The following LRRC8C variants were observed in gnomAD, a reference collection of about 807,000 sequenced individuals.
LRRC8C encodes the protein volume-regulated anion channel subunit LRRC8C.
Under a neutral mutation model 55.3 loss-of-function variants are expected in LRRC8C, and 20 were observed. The ratio of observed to expected loss-of-function variants is 0.36; its 90% confidence interval spans 0.25 to 0.53. The LOEUF is 0.53. LRRC8C is among the 20% of genes least tolerant of loss of function. The pLI, the probability that LRRC8C is intolerant of heterozygous loss-of-function variation, is 0.92. For synonymous variants in LRRC8C, 376 were observed against 360.7 expected, an observed-to-expected ratio of 1.04 and a Z score of -0.48; for missense variants, 659 against 951.4, an observed-to-expected ratio of 0.69 and a Z score of 4.04.
chr1:89,641,775 G>A (rs963018288), intron 1 of LRRC8C, among the ~76,000 whole-genome samples: 4 of 152,122 alleles, frequency 2.6e-5, no homozygotes, highest in African/African-American at 9.7e-5. Flanking sequence ...TTCTATACCA[G>A]GGAAGATTTT....
intron 2 of LRRC8C, among the ~76,000 whole-genome samples, chr1:89,695,380 C>A (rs1658147130): frequency 6.6e-6 from 1 of 152,142 alleles, no homozygotes; most frequent in Non-Finnish European, 1.5e-5. Context: ...TATTTTAGTT[C>A]TTAAAAGCTG....
upstream of LRRC8C, among the ~76,000 whole-genome samples, chr1:89,628,877 G>A (rs536015054): frequency 6.6e-6 from 1 of 152,204 alleles, no homozygotes; most frequent in African/African-American, 2.4e-5. Flanking sequence ...AGGGAAGAAG[G>A]ATTCCAGTTT....
the LRRC8C span, among the ~76,000 whole-genome samples, chr1:89,622,335 A>ATT: frequency 2.3e-3 from 332 of 145,468 alleles, no homozygotes; most frequent in African/African-American, 8.0e-3. Context: ...TACATGTAAA[A>ATT]TTTTTTTTTT....
upstream of LRRC8C, among the ~76,000 whole-genome samples, chr1:89,630,982 A>G (rs1656091587): frequency 6.6e-6 from 1 of 152,228 alleles, no homozygotes; most frequent in African/African-American, 2.4e-5. Context: ...TCCAATTAGA[A>G]GGCAGACACA....
chr1:89,617,049 C>T, the LRRC8C span, among the ~76,000 whole-genome samples: 1 of 152,172 alleles, frequency 6.6e-6, no homozygotes, highest in African/African-American at 2.4e-5. Context: ...AAACAGATAG[C>T]TTACTGAGCA....
chr1:89,706,649 A>G (rs1414230450), intron 2 of LRRC8C, among the ~76,000 whole-genome samples: 1 of 152,178 alleles, frequency 6.6e-6, no homozygotes, highest in Non-Finnish European at 1.5e-5. Context: ...GTGCATCTCT[A>G]AATCTGATTG....
rs1337631824 is a variant in LRRC8C, at chr1:89,712,761, A to T, written c.191A>T (p.Asn64Ile). The T allele has an allele frequency of 1.9e-6, 3 of 1,614,062 alleles. No homozygotes were observed. Among genetic ancestry groups the T allele is most frequent in the East Asian group, 4.5e-5 (2 of 44,884 alleles). Reference protein sequence around the residue: ...CLPKRVQPAQNHSSLSNVSQA... With the variant: ...CLPKRVQPAQIHSSLSNVSQA... ...CCGAAAAGAGTGCAGCCTGCTCAGAACCACTCTTCCCTTTCGAATGTCTCT... is the reference window on the plus strand; with the variant it reads ...CCGAAAAGAGTGCAGCCTGCTCAGATCCACTCTTCCCTTTCGAATGTCTCT... The change falls in exon 3 of 3, where the codon AAC becomes ATC. Residue 64 changes from asparagine to isoleucine, a missense_variant. Coordinates refer to ENST00000370454, the MANE Select transcript of LRRC8C (RefSeq NM_032270.5).
chr1:89,656,569 C>T (rs1488643826), intron 1 of LRRC8C, among the ~76,000 whole-genome samples: 2 of 152,092 alleles, frequency 1.3e-5, no homozygotes, highest in Non-Finnish European at 2.9e-5. Flanking sequence ...GGCAGTTTGG[C>T]ATTTCACAGA....
rs1213951083 is a variant in LRRC8C at position 89,696,668 on chromosome 1, TG to T, written c.138+10058del. Among the ~76,000 whole-genome samples the T allele has an allele frequency of 3.3e-5, 5 of 152,244 alleles. No homozygotes were observed. The South Asian group carries it at 1.0e-3, about 32-fold the overall frequency. ...TTAAGGAAAAAGGGAGACTTCCAAA[TG>T]ATGACTCCCTTTAGAAGCTCTAAAG... On this transcript the variant is annotated intron_variant, in intron 2 of 2. Transcript: ENST00000370454.
chr1:89,685,250 C>T (rs1392087733), intron 1 of LRRC8C, among the ~76,000 whole-genome samples: 1 of 150,102 alleles, frequency 6.7e-6, no homozygotes, highest in Non-Finnish European at 1.5e-5. Context: ...TCCCGAGTAG[C>T]TGGGACTACA....
chr1:89,714,730 C>A lies in LRRC8C; in HGVS notation c.2160C>A (p.Ser720Arg), dbSNP rs919106626. The change falls in exon 3 of 3, where the codon AGC becomes AGA. Residue 720 changes from serine (S) to arginine (R), a missense_variant. By Grantham distance (110) the Ser-to-Arg change is moderately radical (BLOSUM62 -1). Around this residue, in one of 5 missense-constraint regions of LRRC8C, gnomAD observed 344 missense variants for 464.6 expected, o/e 0.74. Transcript: ENST00000370454. This position sits in a 1 kb window ranked among gnomAD's most constrained non-coding sequence, Gnocchi z 4.6. ...YFSITCNKVE[S>R]LPDELYFCKK... The stretch of plus-strand genomic sequence containing the variant: ...CCATCACATGTAACAAAGTGGAAAG[C>A]CTTCCAGATGAACTCTACTTCTGCA... The A allele has an allele frequency of 2.5e-6, 4 of 1,613,914 alleles. No individual in the cohort carries two copies. The highest frequency in any genetic ancestry group is 2.7e-5 in the African/African-American group (2 of 74,916).
chr1:89,631,991 G>A (rs985799496), upstream of LRRC8C: 3 of 152,252 alleles, frequency 2.0e-5, no homozygotes, highest in African/African-American at 7.2e-5. Flanking sequence ...CCAGCAACTA[G>A]TTGTCTATCA....
intron 1 of LRRC8C, among the ~76,000 whole-genome samples, chr1:89,676,658 C>T (rs1255571514): frequency 6.6e-6 from 1 of 152,166 alleles, no homozygotes; most frequent in African/African-American, 2.4e-5. Context: ...TTCTAAGACA[C>T]TGTGCTACTT....
At position 89,714,493 on chromosome 1, in the gene LRRC8C, G is replaced by A; in HGVS notation, c.1923G>A (p.Val641=). ...VSFQHLRKLT[V]LKLWHNSITY... ...TTCAGCACTTAAGAAAGTTGACAGT[G>A]CTAAAACTGTGGCATAACAGCATCA... Residue 641 remains valine (V), a synonymous_variant, in exon 3 of 3, where the codon GTG becomes GTA. Coordinates refer to ENST00000370454, the MANE Select transcript of LRRC8C (RefSeq NM_032270.5). This position sits in a 1 kb window ranked among gnomAD's most constrained non-coding sequence, Gnocchi z 4.6. The A allele has an allele frequency of 6.2e-7, 1 of 1,614,068 alleles. No homozygotes were observed. The highest frequency in any genetic ancestry group is 8.5e-7 in the Non-Finnish European group (1 of 1,180,000).
rs1658775769 is a variant in LRRC8C, at chr1:89,715,000, T to A, written c.*18T>A. The A allele has an allele frequency of 2.0e-6, 3 of 1,532,990 alleles. No homozygotes were observed. The African/African-American group carries it at 4.2e-5, about 21-fold the overall frequency. The allele number at this position is 1,532,990 out of a possible 1,614,324, so 95.0% of individuals were successfully genotyped here. A position where few individuals can be genotyped will look rare whatever the true frequency, so the allele number is the denominator to read the frequency against. ...CAGAATAACTTATTTTTCGTTAAAG[T>A]TTGACTGAAACACGCTTCTACCAAA... On this transcript the variant is annotated 3_prime_UTR_variant, in exon 3 of 3. Transcript: ENST00000370454. This position sits in a 1 kb window ranked among gnomAD's most constrained non-coding sequence, Gnocchi z 4.6.
At chr1:89,638,292 A>G (rs1423704282) in intron 1 of LRRC8C, among the ~76,000 whole-genome samples, 2 of 152,190 alleles carry the variant, frequency 1.3e-5, no homozygotes, top group Non-Finnish European at 2.9e-5. Context: ...AGTGGAGCTA[A>G]TTTCATTTCT....
Position 89,686,465 on chromosome 1 carries a change from C to G in LRRC8C, c.-4-5C>G. 2 of 1,613,990 alleles carry G rather than the reference C, an allele frequency of 1.2e-6. No homozygotes were observed. ...TTGATTTACAAGTAATCTCTCCTTT[C>G]TCAGAAACATGATTCCCGTGACAGA... On this transcript the variant is annotated splice_region_variant and splice_polypyrimidine_tract_variant and intron_variant, in intron 1 of 2. Coordinates refer to ENST00000370454, the MANE Select transcript of LRRC8C (RefSeq NM_032270.5).
chr1:89,687,684 A>G (rs750456723), intron 2 of LRRC8C, among the ~76,000 whole-genome samples: 1 of 152,214 alleles, frequency 6.6e-6, no homozygotes, highest in African/African-American at 2.4e-5. Context: ...GCCATGGACA[A>G]TGATGGCAGC....
chr1:89,659,556 C>A (rs1190106843), intron 1 of LRRC8C, among the ~76,000 whole-genome samples: 9 of 152,122 alleles, frequency 5.9e-5, no homozygotes. Flanking sequence ...ACACAGTAAA[C>A]CTTAGCTCGT....
Sources: gnomAD v4.1 joint callset for allele counts (sites outside exome capture counted in the v4.1 genomes callset) on GRCh38, gnomAD v4.1.1 for gene constraint, gnomAD v4.1.1 regional missense constraint, Gnocchi (gnomAD v3.1) non-coding constraint, MANE v1.5 for transcripts, NCBI Gene and HGNC (gene_info 2026-07-23, HGNC 2026-07-21) for gene names.